Variants in KCTD8 observed in about 807,000 individuals in gnomAD.
KCTD8 encodes potassium channel tetramerization domain containing 8, also known as BTB/POZ domain-containing protein KCTD8.
A neutral mutation model predicts 31.5 loss-of-function variants in KCTD8; 27 were observed. That is an observed-to-expected ratio of 0.86 (90% CI 0.63 to 1.18). KCTD8 has a LOEUF of 1.18. KCTD8 is among the 50% of genes most tolerant of loss of function. KCTD8 has a pLI of 0.00. For missense variants in KCTD8, 658 were observed against 647.7 expected (o/e 1.02, Z -0.17); for synonymous variants, 290 against 280.0 (o/e 1.04, Z -0.36).
chr4:44,218,705 G>C (rs555854060), intron 1 of KCTD8, among the ~76,000 whole-genome samples: 6 of 151,792 alleles, frequency 4.0e-5, no homozygotes, highest in African/African-American at 1.2e-4. Context: ...AAAATCAAAG[G>C]CTTGCACAAC....
chr4:44,261,684 G>C (rs1716183974), intron 1 of KCTD8, among the ~76,000 whole-genome samples: 1 of 151,906 alleles, frequency 6.6e-6, no homozygotes, highest in African/African-American at 2.4e-5. Context: ...AGATCATACA[G>C]TATGTGTCAT....
chr4:44,201,060 A>T (rs1301190084), intron 1 of KCTD8, among the ~76,000 whole-genome samples: 1 of 152,052 alleles, frequency 6.6e-6, no homozygotes. Flanking sequence ...CATTTACAAT[A>T]GCCACAAAGA....
At chr4:44,429,138 G>T (rs1721412733) in intron 1 of KCTD8, among the ~76,000 whole-genome samples, 1 of 151,566 alleles carries the variant, frequency 6.6e-6, no homozygotes. Flanking sequence ...AAAAGGAAGA[G>T]CCAAAGCGAT....
intron 1 of KCTD8, among the ~76,000 whole-genome samples, chr4:44,340,463 TA>T (rs1328242355): frequency 6.7e-6 from 1 of 150,086 alleles, no homozygotes; most frequent in East Asian, 2.0e-4. Context: ...CATGCCTGGC[TA>T]ATTTTTTTTT....
In KCTD8 at chr4:44,448,778, G is replaced by C. The variant is rs1305948641; in HGVS notation, c.-255C>G. The C allele has an allele frequency of 1.1e-5, 4 of 358,942 alleles. No homozygotes were observed. Among genetic ancestry groups the C allele is most frequent in the Middle Eastern group, 7.1e-4 (1 of 1,416 alleles). 22.2% of individuals were successfully genotyped at this position (358,942 alleles called of 1,614,324 possible). A position where few individuals can be genotyped will look rare whatever the true frequency, so the allele number is the denominator to read the frequency against. ...GGCAATGGAGAGGCAAGAAGGAGCTGCTGCTCCTTTGGGGCGAGGGCGGGG... is the reference window on the plus strand; with the variant it reads ...GGCAATGGAGAGGCAAGAAGGAGCTCCTGCTCCTTTGGGGCGAGGGCGGGG... On this transcript the variant is annotated 5_prime_UTR_variant, in exon 1 of 2. Coordinates refer to ENST00000360029, the MANE Select transcript of KCTD8 (RefSeq NM_198353.3). This position sits in a 1 kb window ranked among gnomAD's most constrained non-coding sequence, Gnocchi z 4.1.
At chr4:44,402,577 T>G (rs1272657024) in intron 1 of KCTD8, among the ~76,000 whole-genome samples, 2 of 152,152 alleles carry the variant, frequency 1.3e-5, no homozygotes, top group African/African-American at 2.4e-5. Flanking sequence ...ACCCTGAAGC[T>G]AATAAAACTT....
chr4:44,319,520 A>T lies in KCTD8; in HGVS notation c.961+128043T>A, dbSNP rs149014852. On this transcript the variant is annotated intron_variant, in intron 1 of 1. Transcript: ENST00000360029. ...ACGGAGTGAGAGAAAAGAAGCTGGG[A>T]TTACAGTAAAATGCTTAAATATAAA... Among the ~76,000 whole-genome samples, 808 of 152,138 alleles carry T rather than the reference A, an allele frequency of 5.3e-3. 12 individuals are homozygous for T. The highest frequency in any genetic ancestry group is 0.018 in the African/African-American group (752 of 41,502).
At chr4:44,201,795 G>A (rs1029227260) in intron 1 of KCTD8, among the ~76,000 whole-genome samples, 4 of 152,052 alleles carry the variant, frequency 2.6e-5, no homozygotes, top group Non-Finnish European at 5.9e-5. Context: ...AATTGACAGT[G>A]TGACCTAATC....
intron 1 of KCTD8, among the ~76,000 whole-genome samples, chr4:44,362,814 T>G (rs1719532668): frequency 6.6e-6 from 1 of 151,592 alleles, no homozygotes; most frequent in Non-Finnish European, 1.5e-5. Flanking sequence ...TTAACCCATT[T>G]AGGACCAAAA....
At chr4:44,349,946 C>T (rs778051124) in intron 1 of KCTD8, among the ~76,000 whole-genome samples, 2 of 152,126 alleles carry the variant, frequency 1.3e-5, no homozygotes, top group Non-Finnish European at 2.9e-5. Context: ...GAGGAGAACA[C>T]TTCAGAGCTA....
At chr4:44,182,459 CTTG>C (rs979108590) in intron 1 of KCTD8, among the ~76,000 whole-genome samples, 43 of 152,346 alleles carry the variant, frequency 2.8e-4, no homozygotes, top group Admixed American at 2.2e-3. Flanking sequence ...ATTCTTCTGC[CTTG>C]GGATTCCGTT....
chr4:44,186,217 C>T (rs1713582812), intron 1 of KCTD8, among the ~76,000 whole-genome samples: 1 of 152,184 alleles, frequency 6.6e-6, no homozygotes, highest in African/African-American at 2.4e-5. Flanking sequence ...TGGCAGACGC[C>T]AGCAGGCCAT....
At chr4:44,288,498 T>C (rs986354632) in intron 1 of KCTD8, among the ~76,000 whole-genome samples, 2 of 152,070 alleles carry the variant, frequency 1.3e-5, no homozygotes, top group Admixed American at 1.3e-4. Flanking sequence ...ATTAAACAAC[T>C]TTGAGTTTGA....
chr4:44,363,151 T>A (rs1719543529), intron 1 of KCTD8, among the ~76,000 whole-genome samples: 1 of 152,114 alleles, frequency 6.6e-6, no homozygotes. Context: ...GCATCATTAA[T>A]TATAAGTACG....
At chr4:44,193,703 T>C (rs1713837081) in intron 1 of KCTD8, among the ~76,000 whole-genome samples, 1 of 152,122 alleles carries the variant, frequency 6.6e-6, no homozygotes, top group African/African-American at 2.4e-5. Context: ...TCTAACTCAG[T>C]TCATTGTGAC....
chr4:44,328,452 C>G (rs1377203149), intron 1 of KCTD8, among the ~76,000 whole-genome samples: 1 of 151,928 alleles, frequency 6.6e-6, no homozygotes, highest in Non-Finnish European at 1.5e-5. Context: ...TTGACATATA[C>G]ACTTCGCCAA....
intron 1 of KCTD8, among the ~76,000 whole-genome samples, chr4:44,347,294 T>C (rs529878479): frequency 1.3e-5 from 2 of 152,278 alleles, no homozygotes; most frequent in East Asian, 3.9e-4. Context: ...ACAATCATGG[T>C]TGGAACATGG....
chr4:44,270,076 A>G (rs929943320), intron 1 of KCTD8, among the ~76,000 whole-genome samples: 1 of 152,170 alleles, frequency 6.6e-6, no homozygotes, highest in African/African-American at 2.4e-5. Context: ...ATGCTGCTAT[A>G]AAGACACATG....
chr4:44,401,366 C>G (rs78469492), intron 1 of KCTD8, among the ~76,000 whole-genome samples: 1 of 151,920 alleles, frequency 6.6e-6, no homozygotes, highest in Admixed American at 6.6e-5. Context: ...TTCCCTGATG[C>G]GCATCTTCTT....
Sources: allele counts gnomAD v4.1 joint callset (sites outside exome capture counted in the v4.1 genomes callset), GRCh38; gene constraint gnomAD v4.1.1; non-coding constraint Gnocchi (gnomAD v3.1); transcripts MANE v1.5; gene names NCBI Gene and HGNC (gene_info 2026-07-23, HGNC 2026-07-21).